NCAM1: variants seen among roughly 807,000 people sequenced by gnomAD.
The protein encoded by NCAM1 is antigen recognized by monoclonal antibody 5.1H11.
A neutral mutation model predicts 109.8 loss-of-function variants in NCAM1; 14 were observed. The observed-to-expected ratio is 0.13, with a 90% CI of 0.08 to 0.20. The LOEUF is 0.20. Ranked by LOEUF, NCAM1 falls within the 10% of genes least tolerant of loss-of-function variation. The pLI, the probability that NCAM1 is intolerant of heterozygous loss-of-function variation, is 1.00. For missense variants in NCAM1, 774 were observed against 1,109.9 expected (o/e 0.70, Z 4.30); for synonymous variants, 418 against 442.9 (o/e 0.94, Z 0.70).
In NCAM1 at chr11:113,089,986, C is replaced by T. The variant is rs142219731; in HGVS notation, c.53-112393C>T. Among the ~76,000 whole-genome samples, 91 of 152,270 alleles carry T rather than the reference C, an allele frequency of 6.0e-4. No homozygotes were observed. In the East Asian group the frequency reaches 0.015, roughly 25 times the overall value. The stretch of plus-strand genomic sequence containing the variant: ...TCAGTATATTCAACTTAATATTATG[C>T]AGAGTGAAATACATAGATTGACGAA... On this transcript the variant is annotated intron_variant, in intron 1 of 19. Coordinates refer to ENST00000316851, the MANE Select transcript of NCAM1 (RefSeq NM_181351.5).
chr11:113,218,612 C>T (rs1479863599), intron 8 of NCAM1, among the ~76,000 whole-genome samples: 1 of 152,132 alleles, frequency 6.6e-6, no homozygotes, highest in East Asian at 1.9e-4. Flanking sequence ...GCGTGAATGT[C>T]ACACTCTACC....
chr11:113,011,903 G>GAA, intron 1 of NCAM1, among the ~76,000 whole-genome samples: 1 of 151,156 alleles, frequency 6.6e-6, no homozygotes, highest in South Asian at 2.1e-4. Context: ...GACTGGTTTG[G>GAA]AAAAAAAAAT....
In NCAM1 at chr11:113,185,084, A is replaced by ATATATATATATATAT. The variant is rs1565485449; in HGVS notation, c.53-17295_53-17294insTATATATATATATAT. Among the ~76,000 whole-genome samples the ATATATATATATATAT allele has an allele frequency of 9.5e-3, 1,240 of 130,332 alleles. 32 individuals carry two copies. The highest frequency in any genetic ancestry group is 0.033 in the African/African-American group (1,162 of 35,564). The allele number at this position is 130,332 out of a possible 152,430, so 85.5% of individuals were successfully genotyped here. ...CATTTATATTTATATATATATAGAG[A>ATATATATATATATAT]GAGAGAGAGAGAGAGAGAGAGAGAG... On this transcript the variant is annotated intron_variant, in intron 1 of 19. Coordinates refer to ENST00000316851, the MANE Select transcript of NCAM1 (RefSeq NM_181351.5).
At chr11:113,167,495 T>C (rs1555105460) in intron 1 of NCAM1, among the ~76,000 whole-genome samples, 1 of 151,124 alleles carries the variant, frequency 6.6e-6, no homozygotes, top group African/African-American at 2.4e-5. Flanking sequence ...ATAGGGGCAG[T>C]TGGCCGCTGT....
intron 1 of NCAM1, among the ~76,000 whole-genome samples, chr11:113,004,380 C>G (rs1555072968): frequency 6.6e-6 from 1 of 152,036 alleles, no homozygotes; most frequent in African/African-American, 2.4e-5. Flanking sequence ...GTAATCCCAG[C>G]TACTCGGGAG....
chr11:113,022,571 G>C (rs1049264690), intron 1 of NCAM1, among the ~76,000 whole-genome samples: 1 of 152,212 alleles, frequency 6.6e-6, no homozygotes, highest in Non-Finnish European at 1.5e-5. Flanking sequence ...CTGGTAGAGA[G>C]ATGGCCAAGG....
At position 113,233,014 on chromosome 11, in the gene NCAM1, C is replaced by T; in HGVS notation, c.1523-133C>T. Reference sequence around the variant, plus strand: ...GGGGAGAAGCATCTGGTGAGATGGGCCAGGAGGACAGGATACAGTGACAGG... The same window carrying T: ...GGGGAGAAGCATCTGGTGAGATGGGTCAGGAGGACAGGATACAGTGACAGG... On this transcript the variant is annotated intron_variant, in intron 12 of 19. Coordinates refer to ENST00000316851, the MANE Select transcript of NCAM1 (RefSeq NM_181351.5). The surrounding 1 kb of genome is among the most constrained non-coding windows in gnomAD (Gnocchi z 4.5). 9.8e-7 allele frequency: 1 copy of T among 1,016,014 alleles called. No individual in the cohort carries two copies. The highest frequency in any genetic ancestry group is 1.4e-6 in the Non-Finnish European group (1 of 690,866). 62.9% of individuals were successfully genotyped at this position (1,016,014 alleles called of 1,614,324 possible). A position where few individuals can be genotyped will look rare whatever the true frequency, so the allele number is the denominator to read the frequency against.
At chr11:113,133,562 G>A (rs1941489664) in intron 1 of NCAM1, 2 of 152,120 alleles carry the variant, frequency 1.3e-5, no homozygotes, top group Admixed American at 1.3e-4. Context: ...AAAAAGTGAT[G>A]GATTGTGAGG....
intron 1 of NCAM1, among the ~76,000 whole-genome samples, chr11:113,057,622 T>C (rs1397315764): frequency 2.0e-5 from 3 of 152,094 alleles, no homozygotes; most frequent in African/African-American, 7.2e-5. Flanking sequence ...GTTTAAAAAA[T>C]ACATATGAGA....
At chr11:113,202,278 G>T (rs932975664) in intron 1 of NCAM1, 101 bp from the exon 2 acceptor site, 2 of 1,184,540 alleles carry the variant, frequency 1.7e-6, no homozygotes, top group African/African-American at 3.1e-5. Flanking sequence ...TTGAATGGAA[G>T]ATCTGGGTTT....
At chr11:113,157,136 G>GAGACACACACAC (rs1555103559) in intron 1 of NCAM1, among the ~76,000 whole-genome samples, 1 of 146,878 alleles carries the variant, frequency 6.8e-6, no homozygotes, top group South Asian at 2.2e-4. Context: ...GTTTCCCTGA[G>GAGACACACACAC]ACACACACAC....
chr11:113,207,835 A>G lies in NCAM1; in HGVS notation c.749A>G (p.Asp250Gly). ...CTTTGCATTTCTACATGCTCTAGGG[A>G]TGGGGAACAGATAGAGCAAGAGGAA... ...FPEPTMSWTK[D>G]GEQIEQEEDD... is the part of the protein sequence containing the mutation. The change falls in exon 7 of 20, where the codon GAT (aspartate) becomes GGT (glycine). Residue 250 changes from aspartate (D) to glycine (G), a missense_variant and splice_region_variant. Asp to Gly is a moderately conservative substitution (Grantham distance 94). Coordinates refer to ENST00000316851, the MANE Select transcript of NCAM1 (RefSeq NM_181351.5). 1 of 1,609,454 alleles carries G rather than the reference A, an allele frequency of 6.2e-7. No individual in the cohort carries two copies. The highest frequency in any genetic ancestry group is 8.5e-7 in the Non-Finnish European group (1 of 1,177,792).
chr11:113,020,851 G>A (rs1952360365), intron 1 of NCAM1, among the ~76,000 whole-genome samples: 1 of 152,058 alleles, frequency 6.6e-6, no homozygotes, highest in Non-Finnish European at 1.5e-5. Context: ...CGTCTCCCAG[G>A]TTCCAAGTGA....
intron 19 of NCAM1, 132 bp from the exon 20 acceptor site, chr11:113,275,135 G>A (rs1272976502): frequency 1.7e-6 from 2 of 1,206,334 alleles, no homozygotes; most frequent in Non-Finnish European, 2.3e-6. Context: ...GTGATTTGAC[G>A]GGCAGAGGTT....
chr11:113,079,187 C>T (rs1206286199), intron 1 of NCAM1, among the ~76,000 whole-genome samples: 2 of 152,212 alleles, frequency 1.3e-5, no homozygotes, highest in Non-Finnish European at 2.9e-5. Flanking sequence ...TATAAAGATA[C>T]ACCTACATAG....
chr11:113,234,722 G>A (rs1342578975), intron 13 of NCAM1, among the ~76,000 whole-genome samples: 1 of 152,136 alleles, frequency 6.6e-6, no homozygotes, highest in Admixed American at 6.5e-5. Flanking sequence ...GTTGCCTTTC[G>A]GCTATTGTGA....
intron 7 of NCAM1, 121 bp downstream of exon 7, chr11:113,208,123 T>G (rs1944291342): frequency 1.7e-6 from 2 of 1,186,636 alleles, no homozygotes; most frequent in South Asian, 1.5e-5. Flanking sequence ...AACCATTTCT[T>G]GCCAGTTCCA....
At chr11:113,159,919 T>G (rs909567867) in intron 1 of NCAM1, among the ~76,000 whole-genome samples, 1 of 139,238 alleles carries the variant, frequency 7.2e-6, no homozygotes, top group Non-Finnish European at 1.5e-5. Flanking sequence ...AAAGTGAGAA[T>G]GTAGTTGTAG....
chr11:113,224,191 AGG>A (rs1480469023), intron 9 of NCAM1, among the ~76,000 whole-genome samples: 32 of 152,212 alleles, frequency 2.1e-4, no homozygotes, highest in Non-Finnish European at 4.4e-5. Context: ...AGCCAAGGAA[AGG>A]GGTGACAGAC....
Sources: gnomAD v4.1 joint callset for allele counts (sites outside exome capture counted in the v4.1 genomes callset) on GRCh38, gnomAD v4.1.1 for gene constraint, Gnocchi (gnomAD v3.1) non-coding constraint, MANE v1.5 for transcripts, NCBI Gene and HGNC (gene_info 2026-07-23, HGNC 2026-07-21) for gene names.